GSDMD: variants seen among roughly 807,000 people sequenced by gnomAD.
GSDMD encodes the protein gasdermin D, also known as gasdermin-D.
In GSDMD, 46 loss-of-function variants were observed where a neutral mutation model predicts 46.7. The observed-to-expected ratio is 0.99, with a 90% confidence interval of 0.78 to 1.26. The LOEUF is 1.26. Ranked by LOEUF, GSDMD falls within the 50% of genes most tolerant of loss-of-function variation. The pLI is 0.00. For synonymous variants in GSDMD, 307 were observed against 283.1 expected (o/e 1.08, Z -0.85); for missense variants, 649 against 638.8 (o/e 1.02, Z -0.17).
chr8:143,560,737 G>A lies in GSDMD; in HGVS notation c.545G>A (p.Gly182Asp). 1 of 1,562,688 alleles carries A rather than the reference G, an allele frequency of 6.4e-7. No homozygotes were observed. Among genetic ancestry groups the A allele is most frequent in the Non-Finnish European group, 8.7e-7 (1 of 1,153,748 alleles). ...CGCACCCACAAGCGGGAGGGCTCGGGCCGGTTTTCCCTGCCCGGAGCCACG... is the reference window on the plus strand; with the variant it reads ...CGCACCCACAAGCGGGAGGGCTCGGACCGGTTTTCCCTGCCCGGAGCCACG... ...VTRTHKREGS[G>D]RFSLPGATCL... The change falls in exon 4 of 11, where the codon GGC (glycine) becomes GAC (aspartate). Residue 182 changes from glycine to aspartate, a missense_variant. Physicochemically the swap from Gly to Asp is moderately conservative, Grantham distance 94 (BLOSUM62 -1). Coordinates refer to ENST00000262580, the MANE Select transcript of GSDMD (RefSeq NM_024736.7).
At chr8:143,556,762 G>T (rs1044446050), upstream of GSDMD, among the ~76,000 whole-genome samples, 2 of 152,222 alleles carry the variant, frequency 1.3e-5, no homozygotes, top group Non-Finnish European at 1.5e-5. Flanking sequence ...CCATGACTTA[G>T]GTCAGTAGGG....
Position 143,559,543 on chromosome 8 carries a change from G to T in GSDMD, c.208G>T (p.Ala70Ser). Residue 70 changes from alanine (A) to serine (S), a missense_variant, in exon 2 of 11, where the codon GCG (alanine) becomes TCG (serine). By Grantham distance (99) the Ala-to-Ser change is moderately conservative. Coordinates refer to ENST00000262580, the MANE Select transcript of GSDMD (RefSeq NM_024736.7). Reference protein sequence around the residue: ...SIKDILEPDAAEPDVQRGRSF... With the variant: ...SIKDILEPDASEPDVQRGRSF... ...CAAGGACATCCTGGAGCCGGATGCC[G>T]CGGAACCAGGTGCCTGATGTGGTGC... 1 of 1,612,216 alleles carries T rather than the reference G, an allele frequency of 6.2e-7. No individual in the cohort carries two copies.
At chr8:143,556,820 A>G (rs906737804), upstream of GSDMD, among the ~76,000 whole-genome samples, 1 of 152,244 alleles carries the variant, frequency 6.6e-6, no homozygotes, top group African/African-American at 2.4e-5. Flanking sequence ...TGGGCACTAG[A>G]TTTTTAAAAT....
chr8:143,560,278 G>A lies in GSDMD; in HGVS notation c.410+309G>A, dbSNP rs1438338114. 12 of 687,156 alleles carry A rather than the reference G, an allele frequency of 1.7e-5. No individual in the cohort carries two copies. The East Asian group carries it at 3.3e-4, about 19-fold the overall frequency. The allele number at this position is 687,156 out of a possible 1,614,324, so 42.6% of individuals were successfully genotyped here. A position where few individuals can be genotyped will look rare whatever the true frequency, so the allele number is the denominator to read the frequency against. On this transcript the variant is annotated intron_variant, in intron 3 of 10. Transcript: ENST00000262580. ...AGCTTGCAGGAAGGAAGCTGCAGGG[G>A]TCATCTGGGGCCTCCGCTGCCAGGA... is the stretch of plus-strand genomic sequence containing the variant.
At chr8:143,554,597 G>A (rs891157429), upstream of GSDMD, among the ~76,000 whole-genome samples, 2 of 149,444 alleles carry the variant, frequency 1.3e-5, no homozygotes, top group Non-Finnish European at 3.0e-5. Flanking sequence ...GCATACACGC[G>A]CACAACGCGC....
Position 143,561,055 on chromosome 8 carries a change from C to A in GSDMD, c.633C>A (p.Gly211=). The change falls in exon 5 of 11, where the codon GGC becomes GGA. Residue 211 remains glycine, a synonymous_variant. Coordinates refer to ENST00000262580, the MANE Select transcript of GSDMD (RefSeq NM_024736.7). The stretch of plus-strand genomic sequence containing the variant: ...AGAAGACGGTCACCATCCCCTCAGG[C>A]AGCACCCTCGCATTCCGGGTGGCCC... ...SQKKTVTIPS[G]STLAFRVAQL... 2.5e-6 allele frequency: 4 copies of A among 1,613,182 alleles called. No homozygotes were observed. Among genetic ancestry groups the A allele is most frequent in the Non-Finnish European group, 3.4e-6 (4 of 1,179,978 alleles).
In GSDMD at chr8:143,559,359, A is replaced by G; in HGVS notation, c.24A>G (p.Val8=). 7.3e-7 allele frequency: 1 copy of G among 1,373,182 alleles called. No individual in the cohort carries two copies. Among genetic ancestry groups the G allele is most frequent in the Middle Eastern group, 2.1e-4 (1 of 4,840 alleles). The allele number at this position is 1,373,182 out of a possible 1,614,324, so 85.1% of individuals were successfully genotyped here. ...GCATGGGGTCGGCCTTTGAGCGGGTAGTCCGGAGAGTGGTCCAGGAGCTGG... is the reference window on the plus strand; with the variant it reads ...GCATGGGGTCGGCCTTTGAGCGGGTGGTCCGGAGAGTGGTCCAGGAGCTGG... MGSAFER[V]VRRVVQELDH... Residue 8 remains valine (V), a synonymous_variant, in exon 2 of 11, where the codon GTA becomes GTG. Transcript: ENST00000262580.
chr8:143,561,919 T>C (rs1449084247), intron 7 of GSDMD, 40 bp from the exon 8 acceptor site: 3 of 1,606,150 alleles, frequency 1.9e-6, no homozygotes, highest in East Asian at 4.5e-5. Context: ...TCCAGGGCCC[T>C]GTAAGCACCT....
rs759051577 is a variant in GSDMD at position 143,563,055 on chromosome 8, G to A, written c.*151G>A. 35 of 828,346 alleles carry A rather than the reference G, an allele frequency of 4.2e-5. No homozygotes were observed. Among genetic ancestry groups the A allele is most frequent in the East Asian group, 3.8e-4 (6 of 15,606 alleles). 51.3% of individuals were successfully genotyped at this position (828,346 alleles called of 1,614,324 possible). On this transcript the variant is annotated 3_prime_UTR_variant, in exon 11 of 11. Coordinates refer to ENST00000262580, the MANE Select transcript of GSDMD (RefSeq NM_024736.7). ...GGGAAACACAATAAAGGTGGCATAC[G>A]AAGGAAAGGCTGGTAGCAGAGTTTT...
At chr8:143,558,262 G>GGGAAGAGGGGGCA, upstream of GSDMD, 1 of 1,438,260 alleles carries the variant, frequency 7.0e-7, no homozygotes, top group South Asian at 1.4e-5. Flanking sequence ...GCGGGCTGGC[G>GGGAAGAGGGGGCA]GGAAGAGGGG....
At chr8:143,553,911 C>G (rs978509061), upstream of GSDMD, among the ~76,000 whole-genome samples, 2 of 146,586 alleles carry the variant, frequency 1.4e-5, no homozygotes, top group African/African-American at 4.9e-5. Flanking sequence ...CCGCCTCCAC[C>G]CCATTCCCCC....
At chr8:143,561,879 C>G (rs1563907332) in intron 7 of GSDMD, 51 bp downstream of exon 7, 6 of 1,609,650 alleles carry the variant, frequency 3.7e-6, no homozygotes, top group Non-Finnish European at 8.5e-7. Context: ...TCTCCTGCCC[C>G]CTGGGGTCTG....
upstream of GSDMD, among the ~76,000 whole-genome samples, chr8:143,557,572 G>A (rs1187264210): frequency 6.6e-6 from 1 of 152,278 alleles, no homozygotes; most frequent in African/African-American, 2.4e-5. Context: ...ATTCCTGTGG[G>A]TGGAGCTAGG....
In GSDMD at chr8:143,561,356, C is replaced by A; in HGVS notation, c.683-14C>A. The A allele has an allele frequency of 1.9e-6, 3 of 1,598,748 alleles. No homozygotes were observed. Among genetic ancestry groups the A allele is most frequent in the Admixed American group, 1.7e-5 (1 of 58,578 alleles). ...TGACATGCCTGTCCCTGTCTGCTCCCGTCTGGCTGCCAGACGTCCTTCTCT... is the reference window on the plus strand; with the variant it reads ...TGACATGCCTGTCCCTGTCTGCTCCAGTCTGGCTGCCAGACGTCCTTCTCT... On this transcript the variant is annotated splice_polypyrimidine_tract_variant and intron_variant, in intron 5 of 10. Transcript: ENST00000262580.
chr8:143,561,512 C>A, intron 6 of GSDMD, 89 bp downstream of exon 6: 1 of 1,345,572 alleles, frequency 7.4e-7, no homozygotes, highest in Non-Finnish European at 1.0e-6. Context: ...GTTCTCAGGG[C>A]ACAGGGAGGC....
intron 2 of GSDMD, 32 bp downstream of exon 2, chr8:143,559,584 G>C: frequency 6.3e-7 from 1 of 1,589,442 alleles, no homozygotes. Context: ...CAGAGCCCCA[G>C]GGAGGCTGGA....
chr8:143,559,144 TA>T, intron 1 of GSDMD, 187 bp from the exon 2 acceptor site: 1 of 603,900 alleles, frequency 1.7e-6, no homozygotes. Flanking sequence ...GAGAACACTG[TA>T]ATTCTGTGTT....
upstream of GSDMD, among the ~76,000 whole-genome samples, chr8:143,557,434 C>T (rs375396548): frequency 0.044 from 4,884 of 111,232 alleles, 98 homozygotes; most frequent in Middle Eastern, 0.08. Context: ...AGGATGCTGC[C>T]GCTGTGACGA....
At position 143,563,058 on chromosome 8, in the gene GSDMD, G is replaced by T; in HGVS notation, c.*154G>T. On this transcript the variant is annotated 3_prime_UTR_variant, in exon 11 of 11. Coordinates refer to ENST00000262580, the MANE Select transcript of GSDMD (RefSeq NM_024736.7). ...AAACACAATAAAGGTGGCATACGAAGGAAAGGCTGGTAGCAGAGTTTTTGA... is the reference window on the plus strand; with the variant it reads ...AAACACAATAAAGGTGGCATACGAATGAAAGGCTGGTAGCAGAGTTTTTGA... The T allele has an allele frequency of 1.1e-6, 1 of 915,594 alleles. No individual in the cohort carries two copies. Among genetic ancestry groups the T allele is most frequent in the Non-Finnish European group, 1.6e-6 (1 of 617,900 alleles). 56.7% of individuals were successfully genotyped at this position (915,594 alleles called of 1,614,324 possible).
Sources: allele counts gnomAD v4.1 joint callset (sites outside exome capture counted in the v4.1 genomes callset), GRCh38; gene constraint gnomAD v4.1.1; transcripts MANE v1.5; gene names NCBI Gene and HGNC (gene_info 2026-07-23, HGNC 2026-07-21).